Variants in SRD5A2 observed in about 807,000 individuals in gnomAD.
The protein encoded by SRD5A2 is steroid 5 alpha-reductase 2, also known as 3-oxo-5-alpha-steroid 4-dehydrogenase 2.
Under a neutral mutation model 27.4 loss-of-function variants are expected in SRD5A2, and 30 were observed. The observed-to-expected ratio is 1.10, with a 90% CI of 0.82 to 1.49. The LOEUF (loss-of-function observed/expected upper bound fraction) is 1.49, where lower values mean the gene tolerates loss of function less well. Among genes scored for constraint, SRD5A2 ranks in the 40% most tolerant of loss-of-function variants. SRD5A2 has a pLI of 0.00. For missense variants in SRD5A2, 348 were observed against 323.4 expected (o/e 1.08, Z -0.58); for synonymous variants, 141 against 133.6 (o/e 1.06, Z -0.38).
At chr2:31,582,493 C>G (rs28382987), upstream of SRD5A2, among the ~76,000 whole-genome samples, 1 of 152,112 alleles carries the variant, frequency 6.6e-6, no homozygotes, top group African/African-American at 2.4e-5. Flanking sequence ...TCATACTGAC[C>G]GAAGCATTTT....
At chr2:31,659,662 A>C in the SRD5A2 span, among the ~76,000 whole-genome samples, 14 of 152,120 alleles carry the variant, frequency 9.2e-5, no homozygotes, top group Admixed American at 9.2e-4. Flanking sequence ...GCTACAAATC[A>C]CTGCACAAGG....
chr2:31,591,143 A>T, the SRD5A2 span, among the ~76,000 whole-genome samples: 1 of 152,256 alleles, frequency 6.6e-6, no homozygotes, highest in Non-Finnish European at 1.5e-5. Context: ...ATCAGAGTGA[A>T]CAGGCAACAT....
chr2:31,604,725 A>G, the SRD5A2 span, among the ~76,000 whole-genome samples: 1 of 151,872 alleles, frequency 6.6e-6, no homozygotes, highest in African/African-American at 2.4e-5. Context: ...AAATGCCCAT[A>G]CTACCCAAAG....
chr2:31,557,512 A>C (rs753971907), intron 1 of SRD5A2, among the ~76,000 whole-genome samples: 23 of 152,208 alleles, frequency 1.5e-4, no homozygotes, highest in Non-Finnish European at 3.4e-4. Context: ...ATTTTTTTCA[A>C]GGGTTATACC....
At chr2:31,554,515 C>A (rs1184741015) in intron 1 of SRD5A2, among the ~76,000 whole-genome samples, 1 of 152,070 alleles carries the variant, frequency 6.6e-6, no homozygotes, top group Non-Finnish European at 1.5e-5. Context: ...GGGAACACTG[C>A]CTCAGGAGAA....
intron 4 of SRD5A2, among the ~76,000 whole-genome samples, chr2:31,529,026 A>G (rs951322560): frequency 3.3e-5 from 5 of 152,260 alleles, no homozygotes; most frequent in African/African-American, 9.6e-5. Flanking sequence ...TTCTTCAACA[A>G]GACAGGCACA....
chr2:31,550,796 G>GT (rs1666367346), intron 1 of SRD5A2, among the ~76,000 whole-genome samples: 2 of 151,904 alleles, frequency 1.3e-5, no homozygotes, highest in Admixed American at 6.6e-5. Flanking sequence ...GTAACTGAAT[G>GT]TTTTTTCCTT....
the SRD5A2 span, among the ~76,000 whole-genome samples, chr2:31,614,868 G>C: frequency 6.6e-6 from 1 of 152,116 alleles, no homozygotes; most frequent in Non-Finnish European, 1.5e-5. Flanking sequence ...TAATTCCCAT[G>C]TGTTGTGGGA....
chr2:31,530,388 G>A (rs530892018), intron 3 of SRD5A2, among the ~76,000 whole-genome samples: 59 of 152,148 alleles, frequency 3.9e-4, no homozygotes, highest in Non-Finnish European at 6.5e-4. Flanking sequence ...AGATGAGACT[G>A]CGTCAGTGGT....
intron 1 of SRD5A2, among the ~76,000 whole-genome samples, chr2:31,567,213 T>A (rs1666747720): frequency 6.6e-6 from 1 of 152,138 alleles, no homozygotes; most frequent in Non-Finnish European, 1.5e-5. Flanking sequence ...TTCCCTTGAG[T>A]AGAATTCCTG....
chr2:31,578,839 T>G (rs1226435241), intron 1 of SRD5A2, among the ~76,000 whole-genome samples: 1 of 152,202 alleles, frequency 6.6e-6, no homozygotes, highest in Non-Finnish European at 1.5e-5. Flanking sequence ...CCTTTTGATT[T>G]CAAAAACAAG....
the SRD5A2 span, among the ~76,000 whole-genome samples, chr2:31,624,393 T>C: frequency 6.6e-6 from 1 of 152,180 alleles, no homozygotes; most frequent in Non-Finnish European, 1.5e-5. Context: ...CTTTAAGTTC[T>C]AGGGTACATG....
chr2:31,633,282 A>G, the SRD5A2 span, among the ~76,000 whole-genome samples: 2 of 152,174 alleles, frequency 1.3e-5, no homozygotes, highest in Non-Finnish European at 2.9e-5. Context: ...GCAGCTAATC[A>G]ATGGAAATTA....
At chr2:31,608,515 T>C in the SRD5A2 span, among the ~76,000 whole-genome samples, 1 of 151,972 alleles carries the variant, frequency 6.6e-6, no homozygotes, top group Admixed American at 6.6e-5. Flanking sequence ...GGCATGATTA[T>C]GATCTTGTTT....
chr2:31,601,971 G>A, the SRD5A2 span, among the ~76,000 whole-genome samples: 1 of 151,982 alleles, frequency 6.6e-6, no homozygotes, highest in East Asian at 1.9e-4. Flanking sequence ...GGCAAAAGCT[G>A]GAAGCATTCC....
the SRD5A2 span, among the ~76,000 whole-genome samples, chr2:31,593,700 C>T: frequency 1.3e-5 from 2 of 152,228 alleles, no homozygotes; most frequent in South Asian, 2.1e-4. Context: ...TCAAAGAACA[C>T]CCAGGAAATT....
the SRD5A2 span, among the ~76,000 whole-genome samples, chr2:31,636,205 A>G: frequency 6.6e-6 from 1 of 151,544 alleles, no homozygotes; most frequent in South Asian, 2.1e-4. Flanking sequence ...GTCTTTTTCT[A>G]TTTCTTTCAT....
chr2:31,632,639 G>A, the SRD5A2 span, among the ~76,000 whole-genome samples: 1 of 152,086 alleles, frequency 6.6e-6, no homozygotes, highest in African/African-American at 2.4e-5. Flanking sequence ...CTCCTGTCCT[G>A]GACAACTGTC....
At chr2:31,579,536 C>T (rs1235576077) in intron 1 of SRD5A2, among the ~76,000 whole-genome samples, 1 of 152,220 alleles carries the variant, frequency 6.6e-6, no homozygotes, top group Non-Finnish European at 1.5e-5. Flanking sequence ...CTTAAAACGG[C>T]TAAAAGGTCT....
Sources: allele counts gnomAD v4.1 joint callset (sites outside exome capture counted in the v4.1 genomes callset), GRCh38; gene constraint gnomAD v4.1.1; transcripts MANE v1.5; gene names NCBI Gene and HGNC (gene_info 2026-07-23, HGNC 2026-07-21).